The following TRUB1 variants were observed in gnomAD, a reference collection of about 807,000 sequenced individuals.
TRUB1 encodes the protein pseudouridylate synthase TRUB1.
TRUB1 carries 23 observed loss-of-function variants against 33.9 expected under a neutral mutation model. The observed-to-expected ratio is 0.68, with a 90% CI of 0.49 to 0.96. The LOEUF is 0.96. Among genes scored for constraint, TRUB1 ranks in the 40% least tolerant of loss-of-function variants. The pLI is 0.00. For synonymous variants in TRUB1, 163 were observed against 165.4 expected (o/e 0.99, Z 0.11); for missense variants, 378 against 422.2 (o/e 0.90, Z 0.92).
At chr10:114,974,795 G>T (rs1441632570) in intron 7 of TRUB1, among the ~76,000 whole-genome samples, 2 of 152,062 alleles carry the variant, frequency 1.3e-5, no homozygotes, top group African/African-American at 4.8e-5. Context: ...GCCATTTACT[G>T]GCAGTTGTCG....
At chr10:114,941,677 C>T (rs901721844) in intron 1 of TRUB1, among the ~76,000 whole-genome samples, 3 of 152,012 alleles carry the variant, frequency 2.0e-5, no homozygotes, top group Non-Finnish European at 4.4e-5. Flanking sequence ...TGAGATAAGC[C>T]GGGCTGGCAT....
chr10:114,959,811 T>G lies in TRUB1; in HGVS notation c.523+4T>G. 6.3e-7 allele frequency: 1 copy of G among 1,581,044 alleles called. No individual in the cohort carries two copies. Among genetic ancestry groups the G allele is most frequent in the Non-Finnish European group, 8.7e-7 (1 of 1,151,228 alleles). On this transcript the variant is annotated splice_donor_region_variant and intron_variant, in intron 4 of 7. Coordinates refer to ENST00000298746, the MANE Select transcript of TRUB1 (RefSeq NM_139169.5). ...GTAACAGAAGAAAAACCTTACGGTA[T>G]GAAGCTCATCTAATGTAGGCCTCTT...
chr10:114,952,563 A>G (rs1412480886), intron 3 of TRUB1, among the ~76,000 whole-genome samples: 2 of 152,202 alleles, frequency 1.3e-5, no homozygotes, highest in Non-Finnish European at 2.9e-5. Context: ...ATTGATTTTA[A>G]AAAGCCTCGG....
Position 114,977,584 on chromosome 10 carries a change from G to C in TRUB1, c.*2205G>C, listed in dbSNP as rs931828544. The C allele has an allele frequency of 6.6e-6, 1 of 151,916 alleles. No homozygotes were observed. Among genetic ancestry groups the C allele is most frequent in the Non-Finnish European group, 1.5e-5 (1 of 67,892 alleles). The allele number at this position is 151,916 out of a possible 1,614,324, so 9.4% of individuals were successfully genotyped here. On this transcript the variant is annotated 3_prime_UTR_variant, in exon 8 of 8. Transcript: ENST00000298746. Reference sequence around the variant, plus strand: ...TGTTGTTGCTAATTTAGTAAACATAGGAGAGAAATCAAAGTTTTTCTGATT... The same window carrying C: ...TGTTGTTGCTAATTTAGTAAACATACGAGAGAAATCAAAGTTTTTCTGATT...
At chr10:114,972,634 A>G (rs1021522603) in intron 6 of TRUB1, among the ~76,000 whole-genome samples, 7 of 152,106 alleles carry the variant, frequency 4.6e-5, no homozygotes, top group Non-Finnish European at 1.0e-4. Context: ...TTTTCCTCCC[A>G]TTTTGGCTAG....
At chr10:114,972,381 A>T (rs905862586) in intron 6 of TRUB1, 107 bp downstream of exon 6, 89 of 1,298,724 alleles carry the variant, frequency 6.9e-5, no homozygotes, top group Admixed American at 2.7e-5. Flanking sequence ...GAGATTTTTT[A>T]AAATTTGAAT....
At chr10:114,973,410 T>A (rs1039568285) in intron 6 of TRUB1, among the ~76,000 whole-genome samples, 2 of 152,194 alleles carry the variant, frequency 1.3e-5, no homozygotes, top group Non-Finnish European at 2.9e-5. Flanking sequence ...GCAAGAGTGC[T>A]AGCGCGCCTG....
At chr10:114,972,071 C>T in intron 5 of TRUB1, 64 bp from the exon 6 acceptor site, 2 of 1,567,672 alleles carry the variant, frequency 1.3e-6, no homozygotes, top group African/African-American at 1.4e-5. Context: ...TCTCCCAATC[C>T]TTCCAAATCC....
chr10:114,952,531 AGATT>A (rs552416160), intron 3 of TRUB1, among the ~76,000 whole-genome samples: 49 of 152,320 alleles, frequency 3.2e-4, no homozygotes, highest in African/African-American at 9.1e-4. Flanking sequence ...ATAGATACAT[AGATT>A]GATTGATTGA....
chr10:114,949,805 A>T (rs11197005), intron 2 of TRUB1, among the ~76,000 whole-genome samples: 1 of 151,780 alleles, frequency 6.6e-6, no homozygotes, highest in Non-Finnish European at 1.5e-5. Flanking sequence ...TAACTCTACC[A>T]GGTACTGGTT....
At chr10:114,974,773 G>A (rs899936985) in intron 7 of TRUB1, among the ~76,000 whole-genome samples, 6 of 152,070 alleles carry the variant, frequency 3.9e-5, no homozygotes, top group East Asian at 1.9e-4. Context: ...AGAAGGTTTC[G>A]GTTCTGGCTG....
At chr10:114,949,341 A>ATC (rs1333249507) in intron 2 of TRUB1, among the ~76,000 whole-genome samples, 1 of 152,214 alleles carries the variant, frequency 6.6e-6, no homozygotes, top group Non-Finnish European at 1.5e-5. Context: ...CAGCAGCAGT[A>ATC]TCTACAAGTT....
intron 4 of TRUB1, among the ~76,000 whole-genome samples, chr10:114,963,760 A>AT (rs1456017062): frequency 6.6e-6 from 1 of 151,964 alleles, no homozygotes; most frequent in Admixed American, 6.6e-5. Flanking sequence ...CACTTATTAT[A>AT]TTTTTGAGAT....
rs140222023 is a variant in TRUB1 at position 114,968,073 on chromosome 10, G to A, written c.524-2295G>A. ...TAGAATTTCATTGGTGGGATAATAC[G>A]TACGTGTGTGTATGTGTGTGTGTGT... On this transcript the variant is annotated intron_variant, in intron 4 of 7. Transcript: ENST00000298746. Among the ~76,000 whole-genome samples the A allele has an allele frequency of 2.7e-3, 418 of 152,240 alleles. 2 individuals carry two copies. The highest frequency in any genetic ancestry group is 9.5e-3 in the African/African-American group (393 of 41,550).
intron 2 of TRUB1, among the ~76,000 whole-genome samples, chr10:114,944,528 A>C (rs1393034944): frequency 6.6e-6 from 1 of 152,118 alleles, no homozygotes; most frequent in Non-Finnish European, 1.5e-5. Context: ...GCATGGTGGC[A>C]TGTGCCTGTA....
chr10:114,974,994 T>C, intron 7 of TRUB1, 129 bp from the exon 8 acceptor site: 5 of 1,062,572 alleles, frequency 4.7e-6, no homozygotes, highest in Non-Finnish European at 6.6e-6. Context: ...TTGGTTCTTA[T>C]ATTGGATTAT....
intron 4 of TRUB1, among the ~76,000 whole-genome samples, chr10:114,964,202 AT>A (rs2084296663): frequency 6.6e-6 from 1 of 152,116 alleles, no homozygotes; most frequent in South Asian, 2.1e-4. Context: ...TGTAGTGATA[AT>A]TCCATTGTGG....
At chr10:114,951,247 T>A in intron 3 of TRUB1, 98 bp downstream of exon 3, 1 of 840,920 alleles carries the variant, frequency 1.2e-6, no homozygotes, top group Non-Finnish European at 2.0e-6. Context: ...GTAAACTGCA[T>A]GAATGGGTAT....
intron 2 of TRUB1, among the ~76,000 whole-genome samples, chr10:114,947,757 C>A (rs1458479912): frequency 6.6e-6 from 1 of 152,164 alleles, no homozygotes. Context: ...CATTTATTAA[C>A]CATTTCCCTA....
Sources: gnomAD v4.1 joint callset for allele counts (sites outside exome capture counted in the v4.1 genomes callset) on GRCh38, gnomAD v4.1.1 for gene constraint, MANE v1.5 for transcripts, NCBI Gene and HGNC (gene_info 2026-07-23, HGNC 2026-07-21) for gene names.